The following SLC16A10 variants were observed in gnomAD, a reference collection of about 807,000 sequenced individuals.
SLC16A10 encodes the protein monocarboxylate transporter 10.
In SLC16A10, 27 loss-of-function variants were observed where a neutral mutation model predicts 40.0. The observed-to-expected ratio is 0.67, with a 90% CI of 0.50 to 0.93. The LOEUF is 0.93. SLC16A10 is among the 40% of genes least tolerant of loss of function. The probability of loss-of-function intolerance (pLI) is 0.00; values close to 1 mark genes in which losing one functional copy is unlikely to be tolerated. For synonymous variants in SLC16A10, 213 were observed against 249.8 expected (o/e 0.85, Z 1.39); for missense variants, 529 against 658.2 (o/e 0.80, Z 2.15).
intron 1 of SLC16A10, among the ~76,000 whole-genome samples, chr6:111,116,287 G>A (rs773898306): frequency 3.3e-5 from 5 of 151,696 alleles, no homozygotes; most frequent in African/African-American, 7.3e-5. Context: ...GCGCAATCTC[G>A]GCTCACTGAA....
chr6:111,088,122 GC>G (rs767783007), intron 1 of SLC16A10, 27 bp downstream of exon 1: 1 of 1,585,186 alleles, frequency 6.3e-7, no homozygotes, highest in Non-Finnish European at 8.6e-7. Flanking sequence ...GCCGAGGCCA[GC>G]CTGGGCGACC....
intron 1 of SLC16A10, among the ~76,000 whole-genome samples, chr6:111,140,726 A>C (rs1414065483): frequency 6.6e-6 from 1 of 152,228 alleles, no homozygotes; most frequent in East Asian, 1.9e-4. Flanking sequence ...AAAATGTTTA[A>C]TGTTATGGCA....
At chr6:111,182,324 TTTTTTTTTC>T (rs1228574313) in intron 3 of SLC16A10, among the ~76,000 whole-genome samples, 6 of 144,294 alleles carry the variant, frequency 4.2e-5, no homozygotes, top group South Asian at 2.2e-4. Context: ...TTTTTTTTTT[TTTTTTTTTC>T]CTTTTTAACG....
chr6:111,108,066 C>G (rs1771316438), intron 1 of SLC16A10, among the ~76,000 whole-genome samples: 1 of 151,626 alleles, frequency 6.6e-6, no homozygotes, highest in Non-Finnish European at 1.5e-5. Context: ...GTCTCCCAGG[C>G]TGGAGTGCAG....
At chr6:111,176,238 A>G (rs961907181) in intron 2 of SLC16A10, among the ~76,000 whole-genome samples, 11 of 152,214 alleles carry the variant, frequency 7.2e-5, no homozygotes, top group Admixed American at 2.6e-4. Flanking sequence ...ATCAGATTCT[A>G]GAGTTCCTTA....
chr6:111,110,126 C>T (rs530627011), intron 1 of SLC16A10, among the ~76,000 whole-genome samples: 20 of 152,092 alleles, frequency 1.3e-4, no homozygotes, highest in Middle Eastern at 3.4e-3. Flanking sequence ...TTAAGAAAGA[C>T]CAAAGAGGGT....
intron 1 of SLC16A10, among the ~76,000 whole-genome samples, chr6:111,128,067 T>C (rs924710274): frequency 2.6e-5 from 4 of 152,322 alleles, no homozygotes; most frequent in Admixed American, 2.6e-4. Context: ...TCGTCTCTAC[T>C]GAGGCCAAAA....
intron 3 of SLC16A10, among the ~76,000 whole-genome samples, chr6:111,197,189 C>T (rs1353419298): frequency 2.6e-5 from 4 of 152,100 alleles, no homozygotes; most frequent in African/African-American, 9.7e-5. Context: ...ATCATGCCTT[C>T]CAAAGACTGA....
chr6:111,170,826 A>G (rs941161897), intron 1 of SLC16A10, among the ~76,000 whole-genome samples: 7 of 152,214 alleles, frequency 4.6e-5, no homozygotes, highest in Admixed American at 2.0e-4. Flanking sequence ...AAATTTTTGT[A>G]TAAGATAGTA....
intron 1 of SLC16A10, among the ~76,000 whole-genome samples, chr6:111,138,433 T>C (rs188303489): frequency 3.3e-5 from 5 of 152,372 alleles, no homozygotes; most frequent in Non-Finnish European, 7.3e-5. Flanking sequence ...TAAATTGTTA[T>C]ATTTGATAAG....
At chr6:111,125,610 CTG>C (rs1771661920) in intron 1 of SLC16A10, among the ~76,000 whole-genome samples, 1 of 151,998 alleles carries the variant, frequency 6.6e-6, no homozygotes, top group African/African-American at 2.4e-5. Context: ...TTGGATTTTT[CTG>C]TGGTTAAATA....
chr6:111,181,197 A>G (rs1772783899), intron 3 of SLC16A10, among the ~76,000 whole-genome samples: 3 of 151,088 alleles, frequency 2.0e-5, no homozygotes, highest in African/African-American at 7.3e-5. Context: ...CCTGGGTGAC[A>G]AGAGCGAAAC....
intron 4 of SLC16A10, among the ~76,000 whole-genome samples, chr6:111,210,246 C>T (rs1773323367): frequency 6.6e-6 from 1 of 152,136 alleles, no homozygotes; most frequent in Non-Finnish European, 1.5e-5. Flanking sequence ...GATGTGAACA[C>T]TGAGGAACTG....
intron 1 of SLC16A10, among the ~76,000 whole-genome samples, chr6:111,109,090 T>TTA (rs1443492751): frequency 2.6e-5 from 4 of 152,220 alleles, no homozygotes; most frequent in Admixed American, 2.6e-4. Context: ...GACTTAGATA[T>TTA]TATATAATTC....
At chr6:111,103,679 T>C (rs1443292919) in intron 1 of SLC16A10, among the ~76,000 whole-genome samples, 1 of 152,076 alleles carries the variant, frequency 6.6e-6, no homozygotes, top group Non-Finnish European at 1.5e-5. Flanking sequence ...AAGTAAGATA[T>C]AGGATTTTAG....
At chr6:111,095,000 G>T (rs957377312) in intron 1 of SLC16A10, among the ~76,000 whole-genome samples, 1 of 152,186 alleles carries the variant, frequency 6.6e-6, no homozygotes, top group African/African-American at 2.4e-5. Flanking sequence ...CTTGTCCTCA[G>T]TTGTACATCT....
chr6:111,229,756 TA>T lies in SLC16A10; in HGVS notation c.*7522del, dbSNP rs1771071814. The T allele has an allele frequency of 6.6e-6, 1 of 152,154 alleles. No homozygotes were observed. The highest frequency in any genetic ancestry group is 2.4e-5 in the African/African-American group (1 of 41,442). 9.4% of individuals were successfully genotyped at this position (152,154 alleles called of 1,614,324 possible). A position where few individuals can be genotyped will look rare whatever the true frequency, so the allele number is the denominator to read the frequency against. ...GTCAGCAAATCTCAGGTCTATGATT[TA>T]TCAAGGGCTCTCAGCACCATCGTTG... On this transcript the variant is annotated 3_prime_UTR_variant, in exon 6 of 6. Transcript: ENST00000368851.
chr6:111,118,071 C>A (rs965628737), intron 1 of SLC16A10, among the ~76,000 whole-genome samples: 1 of 152,092 alleles, frequency 6.6e-6, no homozygotes, highest in Non-Finnish European at 1.5e-5. Flanking sequence ...GTAAAAGATA[C>A]GAACAGGCAG....
chr6:111,139,384 C>G (rs1471140759), intron 1 of SLC16A10, among the ~76,000 whole-genome samples: 2 of 152,076 alleles, frequency 1.3e-5, no homozygotes, highest in African/African-American at 2.4e-5. Flanking sequence ...TCACTGCACC[C>G]TCTGCCTCCT....
Sources: gnomAD v4.1 joint callset for allele counts (sites outside exome capture counted in the v4.1 genomes callset) on GRCh38, gnomAD v4.1.1 for gene constraint, MANE v1.5 for transcripts, NCBI Gene and HGNC (gene_info 2026-07-23, HGNC 2026-07-21) for gene names.